The following TTC28 variants were observed in gnomAD, a reference collection of about 807,000 sequenced individuals.
TTC28 encodes tetratricopeptide repeat domain 28.
A neutral mutation model predicts 198.0 loss-of-function variants in TTC28; 61 were observed. That is an observed-to-expected ratio of 0.31 (90% CI 0.25 to 0.38). TTC28 has a LOEUF of 0.38. Among genes scored for constraint, TTC28 ranks in the 10% least tolerant of loss-of-function variants. The pLI, the probability that TTC28 is intolerant of heterozygous loss-of-function variation, is 1.00. For synonymous variants in TTC28, 1,171 were observed against 1,297.8 expected, an observed-to-expected ratio of 0.90 and a Z score of 2.10; for missense variants, 2,678 against 3,164.0, an observed-to-expected ratio of 0.85 and a Z score of 3.69.
At chr22:28,260,771 T>C (rs1392913719) in intron 5 of TTC28, among the ~76,000 whole-genome samples, 3 of 152,210 alleles carry the variant, frequency 2.0e-5, no homozygotes, top group Non-Finnish European at 4.4e-5. Flanking sequence ...CAGTGATTCC[T>C]GGACTCAGTA....
chr22:28,090,447 A>G (rs966243199), intron 12 of TTC28, among the ~76,000 whole-genome samples: 7 of 152,234 alleles, frequency 4.6e-5, no homozygotes, highest in Non-Finnish European at 1.0e-4. Context: ...ATATAACATA[A>G]TTTGTTTGTA....
At position 28,139,425 on chromosome 22, in the gene TTC28, A is replaced by G. The variant is rs140493497; in HGVS notation, c.1441+23667T>C. Among the ~76,000 whole-genome samples the G allele has an allele frequency of 9.9e-4, 151 of 152,320 alleles. 1 individual carries two copies. The highest frequency in any genetic ancestry group is 1.9e-3 in the Non-Finnish European group (127 of 68,032). ...CAGTAACAAGGATAGGATGGCCTTA[A>G]TCATTGTTCTTATTATTTTGATTAA... On this transcript the variant is annotated intron_variant, in intron 6 of 22. Transcript: ENST00000397906.
intron 5 of TTC28, among the ~76,000 whole-genome samples, chr22:28,165,052 G>T (rs892385884): frequency 8.5e-5 from 13 of 152,178 alleles, no homozygotes; most frequent in Admixed American, 2.6e-4. Flanking sequence ...AGTAGCTGAT[G>T]CGATCAACTG....
chr22:28,301,238 G>A (rs1050545195), intron 3 of TTC28, among the ~76,000 whole-genome samples: 7 of 152,102 alleles, frequency 4.6e-5, no homozygotes, highest in African/African-American at 1.7e-4. Flanking sequence ...GTAAACTTGG[G>A]CTATTAGCAA....
chr22:28,292,893 T>C (rs1178788529), intron 5 of TTC28, among the ~76,000 whole-genome samples: 2 of 152,208 alleles, frequency 1.3e-5, no homozygotes, highest in African/African-American at 2.4e-5. Context: ...AGCACAGTAT[T>C]AGGTGCCTTA....
chr22:28,224,617 T>C (rs1289909120), intron 5 of TTC28, among the ~76,000 whole-genome samples: 1 of 152,138 alleles, frequency 6.6e-6, no homozygotes, highest in African/African-American at 2.4e-5. Flanking sequence ...AGAATGGATA[T>C]GTATTTGGTC....
rs1259774466 is a variant in TTC28, at chr22:28,642,943, TA to T, written c.103-13114del. On this transcript the variant is annotated intron_variant, in intron 1 of 22. Transcript: ENST00000397906. The stretch of plus-strand genomic sequence containing the variant: ...TGGCTACCAGATTGGAGAGTGCAGA[TA>T]GAGAACATTTTTTATTCTTATTTTT... 17 of 152,294 alleles carry T rather than the reference TA, an allele frequency of 1.1e-4. 1 individual carries two copies. The highest frequency in any genetic ancestry group is 3.8e-4 in the African/African-American group (16 of 41,572). 9.4% of individuals were successfully genotyped at this position (152,294 alleles called of 1,614,324 possible). A position where few individuals can be genotyped will look rare whatever the true frequency, so the allele number is the denominator to read the frequency against.
intron 2 of TTC28, among the ~76,000 whole-genome samples, chr22:28,616,189 C>T (rs1205701062): frequency 1.3e-5 from 2 of 152,200 alleles, no homozygotes; most frequent in Non-Finnish European, 2.9e-5. Context: ...TCTTCAGAAT[C>T]ACATCAACCT....
chr22:27,987,336 G>GA (rs1229933904), intron 21 of TTC28, among the ~76,000 whole-genome samples: 1 of 152,166 alleles, frequency 6.6e-6, no homozygotes, highest in Non-Finnish European at 1.5e-5. Context: ...CTGGCAAAGG[G>GA]ACCTCAAAAG....
chr22:28,133,263 T>C (rs1389153361), intron 6 of TTC28, among the ~76,000 whole-genome samples: 1 of 152,108 alleles, frequency 6.6e-6, no homozygotes, highest in Non-Finnish European at 1.5e-5. Context: ...GATGGCCAAA[T>C]AGGATCAGCT....
At chr22:28,210,304 G>C (rs1168366273) in intron 5 of TTC28, among the ~76,000 whole-genome samples, 1 of 152,172 alleles carries the variant, frequency 6.6e-6, no homozygotes, top group African/African-American at 2.4e-5. Flanking sequence ...TTGACAAATA[G>C]ACAGAAGTAG....
At chr22:28,357,144 A>G (rs986991534) in intron 2 of TTC28, among the ~76,000 whole-genome samples, 2 of 152,144 alleles carry the variant, frequency 1.3e-5, no homozygotes, top group African/African-American at 4.8e-5. Flanking sequence ...TGCTCAAGGC[A>G]TGAAAGAGCA....
chr22:28,519,135 T>C (rs752285321), intron 2 of TTC28, among the ~76,000 whole-genome samples: 5 of 152,144 alleles, frequency 3.3e-5, no homozygotes, highest in African/African-American at 4.8e-5. Flanking sequence ...AAGCAAGCCA[T>C]TGATAATATA....
At chr22:28,255,038 C>G (rs765297836) in intron 5 of TTC28, among the ~76,000 whole-genome samples, 10 of 152,094 alleles carry the variant, frequency 6.6e-5, no homozygotes, top group Non-Finnish European at 1.2e-4. Context: ...GGATCTCAAA[C>G]CACAAAATAA....
intron 5 of TTC28, among the ~76,000 whole-genome samples, chr22:28,190,977 T>C (rs1924682538): frequency 6.6e-6 from 1 of 152,164 alleles, no homozygotes; most frequent in Non-Finnish European, 1.5e-5. Flanking sequence ...GTTCTGAACC[T>C]TTGATGACTT....
At chr22:28,279,393 CAG>C (rs1569236452) in intron 5 of TTC28, among the ~76,000 whole-genome samples, 1 of 151,912 alleles carries the variant, frequency 6.6e-6, no homozygotes, top group Non-Finnish European at 1.5e-5. Context: ...TTTTTTTAGA[CAG>C]AGTCTTTCTC....
At chr22:28,492,674 T>C (rs2048395691) in intron 2 of TTC28, among the ~76,000 whole-genome samples, 1 of 152,110 alleles carries the variant, frequency 6.6e-6, no homozygotes, top group Non-Finnish European at 1.5e-5. Context: ...TCCTAAAGTT[T>C]TGGGAAGTAG....
chr22:28,526,013 G>C (rs973433024), intron 2 of TTC28, among the ~76,000 whole-genome samples: 13 of 152,154 alleles, frequency 8.5e-5, no homozygotes, highest in Admixed American at 3.9e-4. Flanking sequence ...GAATTCTAAT[G>C]AACAAGTCAA....
intron 2 of TTC28, among the ~76,000 whole-genome samples, chr22:28,445,412 T>C (rs2047687781): frequency 6.6e-6 from 1 of 152,194 alleles, no homozygotes. Context: ...TTACCAAGGA[T>C]AAATCATCAA....
Sources: gnomAD v4.1 joint callset for allele counts (sites outside exome capture counted in the v4.1 genomes callset) on GRCh38, gnomAD v4.1.1 for gene constraint, MANE v1.5 for transcripts, NCBI Gene and HGNC (gene_info 2026-07-23, HGNC 2026-07-21) for gene names.